KCNQ5: variants seen among roughly 807,000 people sequenced by gnomAD.
KCNQ5 encodes the protein potassium voltage-gated channel subfamily Q member 5, also known as potassium voltage-gated channel subfamily KQT member 5.
In KCNQ5, 30 loss-of-function variants were observed where a neutral mutation model predicts 98.2. That is an observed-to-expected ratio of 0.31 (90% CI 0.23 to 0.41). KCNQ5 has a LOEUF of 0.41. Among genes scored for constraint, KCNQ5 ranks in the 10% least tolerant of loss-of-function variants. The probability of loss-of-function intolerance (pLI) is 1.00; values close to 1 mark genes in which losing one functional copy is unlikely to be tolerated. For synonymous variants in KCNQ5, 458 were observed against 449.4 expected (o/e 1.02, Z -0.24); for missense variants, 835 against 1,182.5 (o/e 0.71, Z 4.31).
intron 5 of KCNQ5, among the ~76,000 whole-genome samples, chr6:73,097,912 T>C (rs1005891311): frequency 4.1e-4 from 62 of 152,056 alleles, no homozygotes; most frequent in Admixed American, 6.6e-5. Flanking sequence ...GGAGGATGGC[T>C]ACAAACAAGC....
intron 1 of KCNQ5, among the ~76,000 whole-genome samples, chr6:72,696,622 C>G (rs771952652): frequency 6.6e-6 from 1 of 152,098 alleles, no homozygotes; most frequent in Non-Finnish European, 1.5e-5. Flanking sequence ...AATCAAAGAA[C>G]TCCATAAATT....
At chr6:72,782,068 G>T (rs1773506964) in intron 1 of KCNQ5, among the ~76,000 whole-genome samples, 1 of 99,024 alleles carries the variant, frequency 1.0e-5, no homozygotes, top group Admixed American at 1.1e-4. Flanking sequence ...CACTTTTGCT[G>T]CCAACCATTT....
At chr6:72,940,269 A>AATCATTATGCATTATT (rs1766158786) in intron 1 of KCNQ5, among the ~76,000 whole-genome samples, 2 of 152,348 alleles carry the variant, frequency 1.3e-5, no homozygotes, top group East Asian at 1.9e-4. Flanking sequence ...AAGGAAACTG[A>AATCATTATGCATTATT]ATCATTATGC....
chr6:73,150,365 T>C lies in KCNQ5; in HGVS notation c.1468+16724T>C, dbSNP rs1777100914. The stretch of plus-strand genomic sequence containing the variant: ...GCCCAGAGAAATTGTTATGTTCCCA[T>C]AAATCCTATATATGCATGGTCGTAG... On this transcript the variant is annotated intron_variant, in intron 10 of 13. Coordinates refer to ENST00000370398, the MANE Select transcript of KCNQ5 (RefSeq NM_019842.4). Among the ~76,000 whole-genome samples, 3 of 151,090 alleles carry C rather than the reference T, an allele frequency of 2.0e-5. No individual in the cohort carries two copies. In the South Asian group the frequency reaches 6.2e-4, roughly 31 times the overall value.
chr6:72,946,028 G>A (rs1039897193), intron 1 of KCNQ5, among the ~76,000 whole-genome samples: 4 of 152,118 alleles, frequency 2.6e-5, no homozygotes, highest in Non-Finnish European at 4.4e-5. Context: ...GCAGAGCCAG[G>A]ACTAGACCAG....
chr6:72,884,621 CT>C (rs11284300), intron 1 of KCNQ5, among the ~76,000 whole-genome samples: 23,874 of 149,054 alleles, frequency 0.16, 4,001 homozygotes, highest in African/African-American at 0.43. Flanking sequence ...GAATAAAATA[CT>C]TTTTTTTTTT....
intron 1 of KCNQ5, among the ~76,000 whole-genome samples, chr6:72,845,985 A>C (rs1244048664): frequency 6.6e-6 from 1 of 152,188 alleles, no homozygotes; most frequent in Non-Finnish European, 1.5e-5. Flanking sequence ...ACTGAGGGTC[A>C]GAGAGGTTAG....
chr6:72,910,618 A>T (rs1779905786), intron 1 of KCNQ5, among the ~76,000 whole-genome samples: 1 of 149,378 alleles, frequency 6.7e-6, no homozygotes, highest in Non-Finnish European at 1.5e-5. Context: ...CTGATAAATT[A>T]TTGACTTCTG....
chr6:73,004,572 C>T (rs956631210), intron 2 of KCNQ5, among the ~76,000 whole-genome samples: 1 of 152,214 alleles, frequency 6.6e-6, no homozygotes, highest in Non-Finnish European at 1.5e-5. Context: ...CTCAACCACA[C>T]AGAATTGCTC....
intron 10 of KCNQ5, among the ~76,000 whole-genome samples, chr6:73,141,288 C>T (rs1228256387): frequency 1.3e-5 from 2 of 152,148 alleles, no homozygotes; most frequent in Non-Finnish European, 2.9e-5. Context: ...TCCCAGAGCC[C>T]CCACCTCTTA....
At chr6:73,029,223 G>A (rs1472375489) in intron 2 of KCNQ5, among the ~76,000 whole-genome samples, 1 of 152,178 alleles carries the variant, frequency 6.6e-6, no homozygotes, top group Non-Finnish European at 1.5e-5. Context: ...CACTTGGCAA[G>A]CAAGGCATTT....
chr6:73,194,753 C>A lies in KCNQ5; in HGVS notation c.2138C>A (p.Ala713Glu), dbSNP rs752174055. 21 of 1,614,148 alleles carry A rather than the reference C, an allele frequency of 1.3e-5. No individual in the cohort carries two copies. The highest frequency in any genetic ancestry group is 1.8e-5 in the Non-Finnish European group (21 of 1,180,050). ...YALSPTMHSQ[A>E]TQVPISQSDG... ...CTTAGCCCTACTATGCACAGTCAAG[C>A]AACACAGGTGCCAATTAGTCAAAGC... The change falls in exon 14 of 14, where the codon GCA becomes GAA. Residue 713 changes from alanine to glutamate, a missense_variant. By Grantham distance (107) the Ala-to-Glu change is moderately radical. Transcript: ENST00000370398.
In KCNQ5 at chr6:72,952,558, T is replaced by C. The variant is rs558191448; in HGVS notation, c.399-51350T>C. The stretch of plus-strand genomic sequence containing the variant: ...TTTATAGTGGTGTAAAATTACCTTA[T>C]TAAAATCAGAAACTCTATAAAATAT... On this transcript the variant is annotated intron_variant, in intron 1 of 13. Transcript: ENST00000370398. Among the ~76,000 whole-genome samples, 3 of 152,332 alleles carry C rather than the reference T, an allele frequency of 2.0e-5. No homozygotes were observed. In the South Asian group the frequency reaches 6.2e-4, roughly 32 times the overall value.
intron 1 of KCNQ5, among the ~76,000 whole-genome samples, chr6:73,002,069 A>C (rs1769602253): frequency 6.6e-6 from 1 of 152,172 alleles, no homozygotes; most frequent in Non-Finnish European, 1.5e-5. Context: ...GGTTAAAGTT[A>C]CAATGAGCTA....
At chr6:73,150,852 A>G (rs2002125) in intron 10 of KCNQ5, among the ~76,000 whole-genome samples, 42,609 of 136,608 alleles carry the variant, frequency 0.31, 11,320 homozygotes, top group African/African-American at 0.7. Context: ...GTGTGTGTGT[A>G]TATCCATTTA....
chr6:73,000,536 ATGTCT>A (rs1562120147), intron 1 of KCNQ5, among the ~76,000 whole-genome samples: 1 of 152,128 alleles, frequency 6.6e-6, no homozygotes, highest in East Asian at 1.9e-4. Flanking sequence ...TTCCACGTGG[ATGTCT>A]AAAACTGGAT....
At chr6:72,708,711 G>A (rs912776811) in intron 1 of KCNQ5, among the ~76,000 whole-genome samples, 1 of 152,112 alleles carries the variant, frequency 6.6e-6, no homozygotes, top group South Asian at 2.1e-4. Flanking sequence ...TTGTAGAGAC[G>A]GTGTCTGGCC....
At chr6:72,661,560 T>G (rs1766527609) in intron 1 of KCNQ5, among the ~76,000 whole-genome samples, 1 of 152,176 alleles carries the variant, frequency 6.6e-6, no homozygotes, top group East Asian at 1.9e-4. Context: ...GTTTTCCATT[T>G]ATTCAGCCTG....
intron 1 of KCNQ5, among the ~76,000 whole-genome samples, chr6:72,739,101 G>A (rs1397357549): frequency 6.6e-6 from 1 of 152,152 alleles, no homozygotes; most frequent in Non-Finnish European, 1.5e-5. Flanking sequence ...CAATGTTCCA[G>A]TTTGGTGGGG....
Sources: allele counts gnomAD v4.1 joint callset (sites outside exome capture counted in the v4.1 genomes callset), GRCh38; gene constraint gnomAD v4.1.1; transcripts MANE v1.5; gene names NCBI Gene and HGNC (gene_info 2026-07-23, HGNC 2026-07-21).